FMNL2: variants seen among roughly 807,000 people sequenced by gnomAD.
FMNL2 encodes the protein formin like 2.
Under a neutral mutation model 130.2 loss-of-function variants are expected in FMNL2, and 51 were observed. The ratio of observed to expected loss-of-function variants is 0.39; its 90% confidence interval spans 0.31 to 0.49. FMNL2 has a LOEUF of 0.49. Ranked by LOEUF, FMNL2 falls within the 20% of genes least tolerant of loss-of-function variation. FMNL2 has a pLI of 0.85. For synonymous variants in FMNL2, 465 were observed against 467.1 expected (o/e 1.00, Z 0.06); for missense variants, 977 against 1,316.2 (o/e 0.74, Z 3.99).
intron 1 of FMNL2, among the ~76,000 whole-genome samples, chr2:152,363,579 C>G (rs988053917): frequency 6.7e-6 from 1 of 148,438 alleles, no homozygotes; most frequent in Non-Finnish European, 1.5e-5. Flanking sequence ...TTTTCCCCCC[C>G]AAGACAGAGT....
chr2:152,540,342 A>G (rs1375267154), intron 2 of FMNL2, among the ~76,000 whole-genome samples: 1 of 152,104 alleles, frequency 6.6e-6, no homozygotes, highest in South Asian at 2.1e-4. Flanking sequence ...TAAAAAAAGT[A>G]GTTTATACAC....
At chr2:152,491,255 A>G (rs1232549357) in intron 1 of FMNL2, among the ~76,000 whole-genome samples, 2 of 152,236 alleles carry the variant, frequency 1.3e-5, no homozygotes, top group African/African-American at 4.8e-5. Context: ...TAACTCAAGT[A>G]TAAACTGGCC....
At chr2:152,335,745 GCGGGGACC>G in intron 1 of FMNL2, 25 bp downstream of exon 1, 2 of 1,536,184 alleles carry the variant, frequency 1.3e-6, no homozygotes, top group African/African-American at 2.9e-5. Flanking sequence ...GCGGTCGGGC[GCGGGGACC>G]CGGGGCCCCG....
At chr2:152,588,170 G>T (rs552373483) in intron 9 of FMNL2, among the ~76,000 whole-genome samples, 2 of 152,222 alleles carry the variant, frequency 1.3e-5, no homozygotes, top group Non-Finnish European at 2.9e-5. Context: ...TAAAATGAGT[G>T]TATAGGGTGG....
At chr2:152,339,363 A>G (rs1286940171) in intron 1 of FMNL2, among the ~76,000 whole-genome samples, 1 of 152,248 alleles carries the variant, frequency 6.6e-6, no homozygotes, top group African/African-American at 2.4e-5. Context: ...AAAGATGATG[A>G]TAAGAAGGTG....
At chr2:152,556,747 A>T (rs1274551819) in intron 4 of FMNL2, among the ~76,000 whole-genome samples, 1 of 152,114 alleles carries the variant, frequency 6.6e-6, no homozygotes. Flanking sequence ...AATGGTCTGC[A>T]CTCTACAGAG....
At chr2:152,641,734 A>C (rs1683100542) in intron 25 of FMNL2, among the ~76,000 whole-genome samples, 1 of 152,056 alleles carries the variant, frequency 6.6e-6, no homozygotes, top group Admixed American at 6.6e-5. Context: ...CCCATATCCA[A>C]CCCTTGACAA....
At chr2:152,565,483 A>G (rs1480650042) in intron 6 of FMNL2, among the ~76,000 whole-genome samples, 1 of 152,164 alleles carries the variant, frequency 6.6e-6, no homozygotes, top group Non-Finnish European at 1.5e-5. Flanking sequence ...GTGGAGAGAG[A>G]GTCATAAGAC....
At chr2:152,408,923 A>G (rs1686142341) in intron 1 of FMNL2, among the ~76,000 whole-genome samples, 1 of 152,244 alleles carries the variant, frequency 6.6e-6, no homozygotes, top group Admixed American at 6.5e-5. Flanking sequence ...TAGTTCTGTC[A>G]GGATGGGTGA....
At chr2:152,340,650 G>A (rs112946881) in intron 1 of FMNL2, among the ~76,000 whole-genome samples, 1 of 152,178 alleles carries the variant, frequency 6.6e-6, no homozygotes, top group African/African-American at 2.4e-5. Context: ...CTCCAAATGC[G>A]AAACCTGTGA....
At chr2:152,547,339 G>C (rs1694700426) in intron 3 of FMNL2, among the ~76,000 whole-genome samples, 1 of 152,168 alleles carries the variant, frequency 6.6e-6, no homozygotes, top group Non-Finnish European at 1.5e-5. Context: ...AAACTCTCAA[G>C]TATGCCACCA....
chr2:152,559,836 T>C (rs763715490), intron 5 of FMNL2, among the ~76,000 whole-genome samples: 3 of 152,196 alleles, frequency 2.0e-5, no homozygotes, highest in Non-Finnish European at 4.4e-5. Flanking sequence ...AACTCTTTTA[T>C]GTTCAGTATT....
intron 6 of FMNL2, among the ~76,000 whole-genome samples, chr2:152,574,700 G>T (rs1210280027): frequency 6.6e-6 from 1 of 152,098 alleles, no homozygotes; most frequent in Non-Finnish European, 1.5e-5. Flanking sequence ...TACACTGGAA[G>T]CTATTGCTAT....
intron 1 of FMNL2, among the ~76,000 whole-genome samples, chr2:152,346,066 C>G (rs1027760572): frequency 4.6e-5 from 7 of 151,906 alleles, no homozygotes; most frequent in African/African-American, 1.7e-4. Flanking sequence ...ACTCTGTTGC[C>G]CACGCTGGAG....
chr2:152,504,526 TGA>T (rs2105336031), intron 1 of FMNL2, among the ~76,000 whole-genome samples: 2 of 151,764 alleles, frequency 1.3e-5, no homozygotes, highest in African/African-American at 4.8e-5. Context: ...ATTACAGGCA[TGA>T]GCCACCGCGC....
intron 1 of FMNL2, among the ~76,000 whole-genome samples, chr2:152,494,595 C>T (rs1052289077): frequency 2.0e-5 from 3 of 152,148 alleles, no homozygotes; most frequent in Admixed American, 2.0e-4. Flanking sequence ...AAAGGATATT[C>T]ATTTGATTTG....
chr2:152,603,120 C>T (rs996242869), intron 9 of FMNL2, among the ~76,000 whole-genome samples: 1 of 152,160 alleles, frequency 6.6e-6, no homozygotes, highest in African/African-American at 2.4e-5. Context: ...TCCTTTCCTT[C>T]CTCAGAAACA....
At position 152,573,841 on chromosome 2, in the gene FMNL2, C is replaced by T. The variant is rs116481125; in HGVS notation, c.597-1295C>T. Among the ~76,000 whole-genome samples the T allele has an allele frequency of 8.3e-3, 1,256 of 152,054 alleles. 11 individuals carry two copies. The highest frequency in any genetic ancestry group is 0.014 in the Non-Finnish European group (948 of 67,986). On this transcript the variant is annotated intron_variant, in intron 6 of 25. Transcript: ENST00000288670. ...TTTTTTTATTGACATTTATATATTG[C>T]GTATTTTCTAAAGTCTTTAAATGTT...
intron 3 of FMNL2, among the ~76,000 whole-genome samples, chr2:152,548,633 TG>T (rs1019787829): frequency 5.3e-5 from 8 of 152,332 alleles, no homozygotes; most frequent in Admixed American, 4.6e-4. Flanking sequence ...GATCTTGCTT[TG>T]TATTCTTTTA....
Sources: gnomAD v4.1 joint callset for allele counts (sites outside exome capture counted in the v4.1 genomes callset) on GRCh38, gnomAD v4.1.1 for gene constraint, MANE v1.5 for transcripts, NCBI Gene and HGNC (gene_info 2026-07-23, HGNC 2026-07-21) for gene names.